The following NAV2 variants were observed in gnomAD, a reference collection of about 807,000 sequenced individuals.
NAV2 encodes the protein neuron navigator 2, also known as helicase, APC down-regulated 1.
Under a neutral mutation model 223.2 loss-of-function variants are expected in NAV2, and 54 were observed. The ratio of observed to expected loss-of-function variants is 0.24; its 90% CI spans 0.19 to 0.30. The LOEUF (loss-of-function observed/expected upper bound fraction) is 0.30. NAV2 is among the 10% of genes least tolerant of loss of function. NAV2 has a pLI of 1.00. For missense variants in NAV2, 2,806 were observed against 3,147.5 expected (o/e 0.89, Z 2.60); for synonymous variants, 1,279 against 1,239.3 (o/e 1.03, Z -0.67).
At chr11:19,671,122 G>T (rs965677399) in intron 1 of NAV2, among the ~76,000 whole-genome samples, 9 of 152,258 alleles carry the variant, frequency 5.9e-5, no homozygotes, top group African/African-American at 1.7e-4. Context: ...TATCATAAAA[G>T]AAGATGGTGA....
At chr11:19,759,753 T>A (rs548760403) in intron 1 of NAV2, among the ~76,000 whole-genome samples, 2,662 of 152,248 alleles carry the variant, frequency 0.017, 82 homozygotes, top group African/African-American at 0.061. Context: ...CTCATGGGGT[T>A]TTTTAATGTG....
rs1461495916 is a variant in NAV2, at chr11:20,097,725, C to G, written c.6161C>G (p.Thr2054Ser). 2.5e-6 allele frequency: 4 copies of G among 1,601,426 alleles called. No individual in the cohort carries two copies. The highest frequency in any genetic ancestry group is 3.4e-6 in the Non-Finnish European group (4 of 1,176,196). Residue 2054 changes from threonine (T) to serine (S), a missense_variant, in exon 31 of 38, where the codon ACC becomes AGC. Around this residue, in one of 4 missense-constraint regions of NAV2, gnomAD observed 824 missense variants for 1,069.4 expected, o/e 0.77. Coordinates refer to ENST00000349880, the MANE Select transcript of NAV2 (RefSeq NM_145117.5). Reference sequence around the variant, plus strand: ...GGCTATCTGGTTGGAGAGAACACGACCATCTCAGTGACTGTGAAAGGTAAT... The same window carrying G: ...GGCTATCTGGTTGGAGAGAACACGAGCATCTCAGTGACTGTGAAAGGTAAT... ...PCGYLVGENT[T>S]ISVTVKGLAE...
intron 1 of NAV2, among the ~76,000 whole-genome samples, chr11:19,551,950 G>T (rs2044705019): frequency 6.6e-6 from 1 of 151,518 alleles, no homozygotes; most frequent in Non-Finnish European, 1.5e-5. Flanking sequence ...CCTTTCAAGA[G>T]GACATTAGCT....
At chr11:19,701,464 G>A (rs2049510124) in intron 1 of NAV2, among the ~76,000 whole-genome samples, 2 of 152,162 alleles carry the variant, frequency 1.3e-5, no homozygotes, top group Admixed American at 1.3e-4. Flanking sequence ...ATTCTGAATG[G>A]GAGTTAATTC....
rs189420287 is a variant in NAV2 at position 19,816,706 on chromosome 11, A to C, written c.268-15778A>C. Among the ~76,000 whole-genome samples the C allele has an allele frequency of 2.6e-3, 401 of 152,364 alleles. 1 individual carries two copies. Among genetic ancestry groups the C allele is most frequent in the African/African-American group, 9.2e-3 (383 of 41,590 alleles). On this transcript the variant is annotated intron_variant, in intron 1 of 37. Transcript: ENST00000349880. ...ACACAGAATATCCGCCCTCCTAAGCAAAAGCTTCCAGGGTTTAAACATTTT... is the reference window on the plus strand; with the variant it reads ...ACACAGAATATCCGCCCTCCTAAGCCAAAGCTTCCAGGGTTTAAACATTTT...
chr11:19,723,369 T>A (rs767507384), intron 1 of NAV2, among the ~76,000 whole-genome samples: 1 of 128,516 alleles, frequency 7.8e-6, no homozygotes, highest in Non-Finnish European at 1.6e-5. Context: ...CTTTTTTGGG[T>A]CACACAGCTG....
At chr11:19,636,766 G>A (rs111763521) in intron 1 of NAV2, among the ~76,000 whole-genome samples, 4,628 of 152,200 alleles carry the variant, frequency 0.03, 113 homozygotes, top group East Asian at 0.054. Context: ...CACCGCACCC[G>A]GCCGAGTTCT....
At chr11:19,553,576 G>A (rs978495803) in intron 1 of NAV2, among the ~76,000 whole-genome samples, 13 of 152,232 alleles carry the variant, frequency 8.5e-5, no homozygotes, top group Non-Finnish European at 1.5e-4. Context: ...CTGACCAGCT[G>A]ATTTTCAATG....
chr11:19,819,978 C>T (rs934688986), intron 1 of NAV2, among the ~76,000 whole-genome samples: 1 of 152,192 alleles, frequency 6.6e-6, no homozygotes, highest in African/African-American at 2.4e-5. Context: ...CATGATAAGG[C>T]CAGACGTCCT....
Position 20,101,033 on chromosome 11 carries a change from G to A in NAV2, c.6278G>A (p.Arg2093Gln). ...RYVSLLIEHR[R>Q]IILSGPSGTG... ...GTCTCCCTCCTGATAGAGCACCGTC[G>A]GATCATTCTCTCTGGCCCCAGCGGC... Residue 2093 changes from arginine to glutamine, a missense_variant, in exon 32 of 38, where the codon CGG (arginine) becomes CAG (glutamine). By Grantham distance (43) the Arg-to-Gln change is conservative. Coordinates refer to ENST00000349880, the MANE Select transcript of NAV2 (RefSeq NM_145117.5). 3.7e-6 allele frequency: 6 copies of A among 1,614,068 alleles called. No individual in the cohort carries two copies. The highest frequency in any genetic ancestry group is 5.1e-6 in the Non-Finnish European group (6 of 1,180,000).
intron 10 of NAV2, among the ~76,000 whole-genome samples, chr11:19,974,545 G>C (rs1040172155): frequency 6.6e-6 from 1 of 152,214 alleles, no homozygotes; most frequent in Non-Finnish European, 1.5e-5. Context: ...CAACACTTTG[G>C]AGGCTGATGT....
intron 4 of NAV2, among the ~76,000 whole-genome samples, chr11:19,869,954 T>C (rs1335042160): frequency 2.6e-5 from 4 of 152,354 alleles, no homozygotes; most frequent in Non-Finnish European, 4.4e-5. Context: ...TTGGTTTTCC[T>C]GGCTGCGTTT....
Position 19,548,742 on chromosome 11 carries a change from G to T in NAV2, c.75+197715G>T, listed in dbSNP as rs575430241. On this transcript the variant is annotated intron_variant, in intron 1 of 37. Transcript: ENST00000360655. ...AAAAAAAAAAAATTAGCCAGGCTTG[G>T]TGGCAGGTGCCTGTAGTCCCAGCTA... Among the ~76,000 whole-genome samples the T allele has an allele frequency of 2.6e-5, 4 of 151,794 alleles. No homozygotes were observed. The South Asian group carries it at 8.4e-4, about 32-fold the overall frequency.
rs1849015274 is a variant in NAV2 at position 19,385,775 on chromosome 11, T to C, written c.75+34748T>C. The stretch of plus-strand genomic sequence containing the variant: ...CTCCTTTTTTTTTTTTTTTTTTTTT[T>C]TTTTGAGACAGAGTCTCGCTCTGTC... On this transcript the variant is annotated intron_variant, in intron 1 of 37. Transcript: ENST00000360655. Among the ~76,000 whole-genome samples the C allele has an allele frequency of 5.0e-5, 4 of 80,062 alleles. No homozygotes were observed. The South Asian group carries it at 1.6e-3, about 31-fold the overall frequency. The allele number at this position is 80,062 out of a possible 152,430, so 52.5% of individuals were successfully genotyped here. A position where few individuals can be genotyped will look rare whatever the true frequency, so the allele number is the denominator to read the frequency against.
intron 1 of NAV2, among the ~76,000 whole-genome samples, chr11:19,565,310 C>T (rs1222400743): frequency 1.3e-5 from 2 of 152,234 alleles, no homozygotes; most frequent in Admixed American, 1.3e-4. Flanking sequence ...TGCCTCGAAA[C>T]CCTTGGAAGT....
chr11:19,634,966 G>A (rs1237292419), intron 1 of NAV2, among the ~76,000 whole-genome samples: 2 of 152,188 alleles, frequency 1.3e-5, no homozygotes, highest in African/African-American at 2.4e-5. Context: ...GTTAGAGTAC[G>A]TTAACTGCTG....
chr11:19,878,540 A>G (rs1243589375), intron 4 of NAV2, among the ~76,000 whole-genome samples: 1 of 152,148 alleles, frequency 6.6e-6, no homozygotes, highest in East Asian at 1.9e-4. Flanking sequence ...AGGTTTTCCA[A>G]ATGCTATGCT....
At chr11:19,999,892 T>C (rs2052371264) in intron 11 of NAV2, among the ~76,000 whole-genome samples, 1 of 152,160 alleles carries the variant, frequency 6.6e-6, no homozygotes, top group Non-Finnish European at 1.5e-5. Flanking sequence ...AGAATGCTGA[T>C]TTCACAGATA....
At chr11:19,831,722 C>G (rs982225369) in intron 1 of NAV2, among the ~76,000 whole-genome samples, 4 of 152,118 alleles carry the variant, frequency 2.6e-5, no homozygotes, top group Non-Finnish European at 4.4e-5. Flanking sequence ...ATTCTGTGAC[C>G]AGGAAGAGCA....
Sources: allele counts gnomAD v4.1 joint callset (sites outside exome capture counted in the v4.1 genomes callset), GRCh38; gene constraint gnomAD v4.1.1; regional missense constraint gnomAD v4.1.1; transcripts MANE v1.5; gene names NCBI Gene and HGNC (gene_info 2026-07-23, HGNC 2026-07-21).